Variants in BIRC6 observed in about 807,000 individuals in gnomAD.
BIRC6 encodes baculoviral IAP repeat containing 6, also known as dual E2 ubiquitin-conjugating enzyme/E3 ubiquitin-protein ligase BIRC6.
In BIRC6, 98 loss-of-function variants were observed where a neutral mutation model predicts 503.3. The observed-to-expected ratio is 0.19, with a 90% CI of 0.17 to 0.23. The LOEUF is 0.23. BIRC6 is among the 10% of genes least tolerant of loss of function. BIRC6 has a pLI of 1.00. For synonymous variants in BIRC6, 2,240 were observed against 2,078.7 expected (o/e 1.08, Z -2.11); for missense variants, 5,360 against 5,806.0 (o/e 0.92, Z 2.50).
At position 32,549,421 on chromosome 2, in the gene BIRC6, G is replaced by A. The variant is rs753778607; in HGVS notation, c.13084G>A (p.Glu4362Lys). 2.1e-5 allele frequency: 31 copies of A among 1,506,738 alleles called. No individual in the cohort carries two copies. Among genetic ancestry groups the A allele is most frequent in the East Asian group, 9.2e-5 (4 of 43,260 alleles). The allele number at this position is 1,506,738 out of a possible 1,614,324, so 93.3% of individuals were successfully genotyped here. Residue 4362 changes from glutamate (E) to lysine (K), a missense_variant, in exon 65 of 74, where the codon GAG becomes AAG. Transcript: ENST00000421745. The part of the protein sequence containing the change: ...NSNALPSVLL[E>K]LLSQSCLIPA... ...TAATGCCCTTCCTTCTGTACTTCTC[G>A]AGCTTCTCAGTCAGTCCTGCCTCAT...
At chr2:32,482,673 G>T in intron 39 of BIRC6, 91 bp downstream of exon 39, 3 of 1,396,440 alleles carry the variant, frequency 2.1e-6, no homozygotes, top group Non-Finnish European at 2.9e-6. Context: ...GTTGAGCCTG[G>T]GTGTATGCCA....
chr2:32,535,036 G>A (rs1460070632), intron 61 of BIRC6, among the ~76,000 whole-genome samples: 3 of 150,886 alleles, frequency 2.0e-5, no homozygotes, highest in African/African-American at 7.3e-5. Context: ...GCTGGCCACT[G>A]CAGTGCATCT....
Position 32,467,638 on chromosome 2 carries a change from G to T in BIRC6, c.5470G>T (p.Glu1824Ter). ...SLSIDIWTLGEEVDGRRLVVA... is the reference protein window; with the variant it reads ...SLSIDIWTLG ...GTCAATTGACATTTGGACATTAGGA[G>T]AAGAGGTGGATGGAAGGCGGTTGGT... The change falls in exon 27 of 74, where the codon GAA (glutamate) becomes TAA (stop). Residue 1824 changes from glutamate to a stop codon, truncating the protein, a stop_gained. Transcript: ENST00000421745. LOFTEE classifies it high-confidence loss of function. 1 of 1,613,942 alleles carries T rather than the reference G, an allele frequency of 6.2e-7. No individual in the cohort carries two copies. Among genetic ancestry groups the T allele is most frequent in the Non-Finnish European group, 8.5e-7 (1 of 1,179,880 alleles).
chr2:32,493,253 G>A (rs1375605548), intron 44 of BIRC6, among the ~76,000 whole-genome samples: 2 of 151,896 alleles, frequency 1.3e-5, no homozygotes, highest in African/African-American at 2.4e-5. Context: ...AGTATTTATT[G>A]TGTAATTCAG....
At chr2:32,459,817 G>A (rs1235147994) in intron 23 of BIRC6, among the ~76,000 whole-genome samples, 2 of 150,756 alleles carry the variant, frequency 1.3e-5, no homozygotes, top group Non-Finnish European at 1.5e-5. Flanking sequence ...ATATTTAATT[G>A]TTATGTTGTT....
chr2:32,414,691 A>G (rs1490251944), intron 9 of BIRC6, 78 bp from the exon 10 acceptor site: 1 of 1,008,398 alleles, frequency 9.9e-7, no homozygotes, highest in African/African-American at 1.7e-5. Flanking sequence ...AAATAAATAA[A>G]TAATTTTACT....
chr2:32,603,639 G>A (rs1353396181), intron 71 of BIRC6, among the ~76,000 whole-genome samples: 1 of 152,054 alleles, frequency 6.6e-6, no homozygotes, highest in Non-Finnish European at 1.5e-5. Context: ...TAGGAGAATC[G>A]CTGGAACCCC....
At chr2:32,472,917 T>C (rs1267740534) in intron 32 of BIRC6, 195 bp from the exon 33 acceptor site, 11 of 469,428 alleles carry the variant, frequency 2.3e-5, no homozygotes, top group Non-Finnish European at 3.8e-5. Flanking sequence ...ATTTAGGGTC[T>C]ACATTAGATA....
chr2:32,553,197 CAAAAAAAAAAAA>C (rs763552918), intron 65 of BIRC6, among the ~76,000 whole-genome samples: 316 of 34,906 alleles, frequency 9.1e-3, no homozygotes, highest in African/African-American at 0.026. Context: ...AACTCTGTCT[CAAAAAAAAAAAA>C]AAAAAAAAAA....
At chr2:32,550,207 A>G (rs1481154301) in intron 65 of BIRC6, among the ~76,000 whole-genome samples, 1 of 152,168 alleles carries the variant, frequency 6.6e-6, no homozygotes, top group Non-Finnish European at 1.5e-5. Flanking sequence ...ATGAAAATTT[A>G]CATGTATATT....
intron 6 of BIRC6, among the ~76,000 whole-genome samples, chr2:32,398,676 A>T (rs1205900394): frequency 1.3e-5 from 2 of 152,134 alleles, no homozygotes; most frequent in Admixed American, 6.5e-5. Flanking sequence ...ATTGGAAATT[A>T]TTGGGATTAG....
Position 32,593,957 on chromosome 2 carries a change from G to A in BIRC6, c.13398G>A (p.Ala4466=), listed in dbSNP as rs138518623. The A allele has an allele frequency of 4.6e-4, 745 of 1,613,424 alleles. 4 individuals are homozygous for A. The highest frequency in any genetic ancestry group is 3.0e-3 in the Middle Eastern group (18 of 6,060). Reference sequence around the variant, plus strand: ...TTAAAACAGGAGTAAAACCAGATGCGTCTGATCAAGAACCAGAAGGACTTA... The same window carrying A: ...TTAAAACAGGAGTAAAACCAGATGCATCTGATCAAGAACCAGAAGGACTTA... ...ENVKTGVKPD[A]SDQEPEGLTL... is the part of the protein sequence containing the mutation. Residue 4466 remains alanine (A), a synonymous_variant, in exon 67 of 74, where the codon GCG becomes GCA. Coordinates refer to ENST00000421745, the MANE Select transcript of BIRC6 (RefSeq NM_016252.4).
chr2:32,385,725 G>T (rs2038352628), intron 3 of BIRC6, among the ~76,000 whole-genome samples: 1 of 152,196 alleles, frequency 6.6e-6, no homozygotes, highest in African/African-American at 2.4e-5. Context: ...GTCTGGTCTT[G>T]TTGCAGAGTT....
At chr2:32,400,684 A>C (rs2040512163) in intron 6 of BIRC6, among the ~76,000 whole-genome samples, 1 of 152,152 alleles carries the variant, frequency 6.6e-6, no homozygotes, top group Non-Finnish European at 1.5e-5. Context: ...AATTTAGTAA[A>C]ATATTTAGTA....
intron 66 of BIRC6, among the ~76,000 whole-genome samples, chr2:32,584,880 C>A (rs2060925069): frequency 6.6e-6 from 1 of 152,132 alleles, no homozygotes; most frequent in African/African-American, 2.4e-5. Context: ...ATTCCTGTAA[C>A]CATAAACGTT....
In BIRC6 at chr2:32,548,518, A is replaced by G. The variant is rs1430320118; in HGVS notation, c.12975+504A>G. ...ACTTTTCAGCCGGGCGTGGTGGCTC[A>G]TGCCTGTTATCCCAGCACTTTGAGA... On this transcript the variant is annotated intron_variant, in intron 64 of 73. Coordinates refer to ENST00000421745, the MANE Select transcript of BIRC6 (RefSeq NM_016252.4). Among the ~76,000 whole-genome samples, 15 of 151,948 alleles carry G rather than the reference A, an allele frequency of 9.9e-5. No individual in the cohort carries two copies. The East Asian group carries it at 2.9e-3, about 29-fold the overall frequency.
In BIRC6 at chr2:32,478,641, G is replaced by C. The variant is rs911780339; in HGVS notation, c.7075G>C (p.Ala2359Pro). 6.2e-7 allele frequency: 1 copy of C among 1,610,166 alleles called. No individual in the cohort carries two copies. The highest frequency in any genetic ancestry group is 8.5e-7 in the Non-Finnish European group (1 of 1,178,826). ...TTTATAAAATGTATTACAGGTTCTT[G>C]CACGCATTGCAAATGCCACGAGGCC... ...DLLLFVCKVL[A>P]RIANATRPTI... Residue 2359 changes from alanine (A) to proline (P), a missense_variant, in exon 36 of 74, where the codon GCA (alanine) becomes CCA (proline). Ala to Pro is a conservative substitution (Grantham distance 27, BLOSUM62 -1). Around this residue, in one of 16 missense-constraint regions of BIRC6, gnomAD observed 2,299 missense variants for 2,267.2 expected, o/e 1.01. Transcript: ENST00000421745.
At chr2:32,592,428 G>A (rs1177533820) in intron 66 of BIRC6, among the ~76,000 whole-genome samples, 1 of 152,158 alleles carries the variant, frequency 6.6e-6, no homozygotes, top group Non-Finnish European at 1.5e-5. Context: ...CAAAACACAT[G>A]CATGATACTA....
chr2:32,377,901 C>T (rs1443778930), intron 2 of BIRC6, 132 bp downstream of exon 2: 7 of 736,400 alleles, frequency 9.5e-6, no homozygotes, highest in Non-Finnish European at 1.5e-5. Flanking sequence ...TACTTATTGA[C>T]CACAACTTCA....
Sources: gnomAD v4.1 joint callset for allele counts (sites outside exome capture counted in the v4.1 genomes callset) on GRCh38, gnomAD v4.1.1 for gene constraint, gnomAD v4.1.1 regional missense constraint, MANE v1.5 for transcripts, NCBI Gene and HGNC (gene_info 2026-07-23, HGNC 2026-07-21) for gene names.